EDNRB: variants seen among roughly 807,000 people sequenced by gnomAD.
The protein encoded by EDNRB is endothelin receptor type B.
Under a neutral mutation model 46.4 loss-of-function variants are expected in EDNRB, and 18 were observed. The observed-to-expected ratio is 0.39, with a 90% CI of 0.27 to 0.57. The LOEUF is 0.57. Ranked by LOEUF, EDNRB falls within the 20% of genes least tolerant of loss-of-function variation. EDNRB has a pLI of 0.61. For missense variants in EDNRB, 434 were observed against 537.5 expected, an observed-to-expected ratio of 0.81 and a Z score of 1.90; for synonymous variants, 213 against 204.9, an observed-to-expected ratio of 1.04 and a Z score of -0.34.
chr13:77,952,222 G>A (rs575509379), intron 1 of EDNRB, among the ~76,000 whole-genome samples: 28 of 152,232 alleles, frequency 1.8e-4, no homozygotes, highest in African/African-American at 6.5e-4. Context: ...GTAGGAGAAG[G>A]AATGCATCCA....
intron 1 of EDNRB, among the ~76,000 whole-genome samples, chr13:77,961,655 C>T (rs1321470612): frequency 6.6e-6 from 1 of 152,130 alleles, no homozygotes; most frequent in Non-Finnish European, 1.5e-5. Context: ...ATTTATAGCA[C>T]TAAATGCCCA....
At position 77,896,661 on chromosome 13, in the gene EDNRB, G is replaced by A; in HGVS notation, c.*1539C>T. 1 of 1,470,278 alleles carries A rather than the reference G, an allele frequency of 6.8e-7. No individual in the cohort carries two copies. The highest frequency in any genetic ancestry group is 9.0e-7 in the Non-Finnish European group (1 of 1,116,148). The allele number at this position is 1,470,278 out of a possible 1,614,324, so 91.1% of individuals were successfully genotyped here. On this transcript the variant is annotated 3_prime_UTR_variant, in exon 7 of 7. Coordinates refer to ENST00000646607, the MANE Select transcript of EDNRB (RefSeq NM_001122659.3). ...AAAGTCACTCTGAGAACATTGCACT[G>A]TGTTTTGCTGGAACAAAATCAGGAC...
chr13:77,907,104 C>T (rs1022399797), intron 1 of EDNRB, among the ~76,000 whole-genome samples: 1 of 151,912 alleles, frequency 6.6e-6, no homozygotes, highest in Admixed American at 6.6e-5. Flanking sequence ...TCACCTAGTG[C>T]GATGGTTAAC....
rs77132068 is a variant in EDNRB at position 77,903,179 on chromosome 13, C to A, written c.778G>T (p.Val260Phe). The part of the protein sequence containing the change: ...SYLRICLLHP[V>F]QKTAFMQFYK... ...ACCTGCATGAAAGCTGTCTTCTGAA[C>A]GGGATGAAGCAAGCAGATTCGCAGA... Residue 260 changes from valine to phenylalanine, a missense_variant, in exon 3 of 7, where the codon GTT becomes TTT. Val to Phe is a conservative substitution (Grantham distance 50). Coordinates refer to ENST00000646607, the MANE Select transcript of EDNRB (RefSeq NM_001122659.3). 1.5e-3 allele frequency: 2,452 copies of A among 1,612,630 alleles called. 2 individuals are homozygous for A. Among genetic ancestry groups the A allele is most frequent in the Non-Finnish European group, 1.9e-3 (2,274 of 1,179,198 alleles).
chr13:77,936,227 A>AG, intron 1 of EDNRB, among the ~76,000 whole-genome samples: 1 of 152,212 alleles, frequency 6.6e-6, no homozygotes, highest in South Asian at 2.1e-4. Context: ...CTGGGGGAAA[A>AG]GGCGGCAATG....
At chr13:77,970,493 T>C (rs931697532) in intron 1 of EDNRB, among the ~76,000 whole-genome samples, 4 of 152,142 alleles carry the variant, frequency 2.6e-5, no homozygotes, top group Non-Finnish European at 5.9e-5. Context: ...GTTGAGCATG[T>C]GAATGGGGGT....
intron 1 of EDNRB, among the ~76,000 whole-genome samples, chr13:77,944,112 A>C (rs1245915879): frequency 6.6e-6 from 1 of 152,102 alleles, no homozygotes; most frequent in African/African-American, 2.4e-5. Context: ...AAAATCATTA[A>C]AATCTCAAAC....
chr13:77,897,589 T>C lies in EDNRB; in HGVS notation c.*611A>G, dbSNP rs1411322226. 1.0e-6 allele frequency: 1 copy of C among 985,418 alleles called. No individual in the cohort carries two copies. 61.0% of individuals were successfully genotyped at this position (985,418 alleles called of 1,614,324 possible). On this transcript the variant is annotated 3_prime_UTR_variant, in exon 7 of 7. Transcript: ENST00000646607. ...CTGAGGTTTGGGCTTCTAGTGAAAG[T>C]GTAATGATTTTCAAAAACAGCCTTG... is the stretch of plus-strand genomic sequence containing the variant.
upstream of EDNRB, among the ~76,000 whole-genome samples, chr13:77,922,422 A>T (rs889270930): frequency 1.3e-5 from 2 of 152,198 alleles, no homozygotes; most frequent in African/African-American, 2.4e-5. Context: ...TTTTAGCCAC[A>T]CAAAAAAGTT....
intron 1 of EDNRB, among the ~76,000 whole-genome samples, chr13:77,955,852 T>C (rs1236084389): frequency 1.5e-5 from 2 of 131,892 alleles, no homozygotes; most frequent in East Asian, 5.2e-4. Flanking sequence ...TGTGTATCTA[T>C]CTATCTATCT....
chr13:77,933,752 G>C (rs1417415697), intron 1 of EDNRB, among the ~76,000 whole-genome samples: 1 of 152,112 alleles, frequency 6.6e-6, no homozygotes, highest in Non-Finnish European at 1.5e-5. Flanking sequence ...GGGCTGCTTC[G>C]AGCGGGATTA....
At chr13:77,974,144 A>G (rs1881816192) in intron 1 of EDNRB, among the ~76,000 whole-genome samples, 1 of 152,150 alleles carries the variant, frequency 6.6e-6, no homozygotes, top group African/African-American at 2.4e-5. Flanking sequence ...TGTTTTGTCC[A>G]AATTAACTTA....
At chr13:77,931,451 G>C (rs9574124) in intron 1 of EDNRB, among the ~76,000 whole-genome samples, 84,518 of 151,848 alleles carry the variant, frequency 0.56, 24,288 homozygotes, top group Middle Eastern at 0.67. Flanking sequence ...GTAGCTGATC[G>C]GTGGGGGAAT....
intron 1 of EDNRB, among the ~76,000 whole-genome samples, chr13:77,906,543 G>C (rs1196551490): frequency 6.6e-6 from 1 of 151,954 alleles, no homozygotes; most frequent in Non-Finnish European, 1.5e-5. Flanking sequence ...CACTTATTCT[G>C]GGGGAGGCCA....
intron 1 of EDNRB, among the ~76,000 whole-genome samples, chr13:77,957,270 G>A (rs947892974): frequency 2.0e-5 from 3 of 152,184 alleles, no homozygotes; most frequent in East Asian, 1.9e-4. Flanking sequence ...AAAAGTTAAT[G>A]TATTTTGGAA....
At chr13:77,966,752 G>T (rs943361137) in intron 1 of EDNRB, among the ~76,000 whole-genome samples, 1 of 152,150 alleles carries the variant, frequency 6.6e-6, no homozygotes, top group African/African-American at 2.4e-5. Flanking sequence ...TTTTGCAGAA[G>T]TAAAAATTTT....
intron 1 of EDNRB, among the ~76,000 whole-genome samples, chr13:77,910,571 T>C (rs1432633627): frequency 6.6e-6 from 1 of 152,062 alleles, no homozygotes; most frequent in Non-Finnish European, 1.5e-5. Flanking sequence ...TGACATACAG[T>C]GCACCGTGCC....
chr13:77,910,276 C>T (rs966594936), intron 1 of EDNRB, among the ~76,000 whole-genome samples: 3 of 151,910 alleles, frequency 2.0e-5, no homozygotes, highest in Admixed American at 6.6e-5. Context: ...CTTTAAACGA[C>T]TGGCATTATA....
In EDNRB at chr13:77,970,359, C is replaced by T. The variant is rs140071650; in HGVS notation, c.-52+4988G>A. ...GCCACAGACAAAACTCCTCAGACAC[C>T]GAGTTAAAGAAGGAAGAGGTTTATT... is the stretch of plus-strand genomic sequence containing the variant. On this transcript the variant is annotated intron_variant, in intron 1 of 7. Coordinates refer to the EDNRB transcript ENST00000646948. Among the ~76,000 whole-genome samples, 77 of 152,156 alleles carry T rather than the reference C, an allele frequency of 5.1e-4. 1 individual carries two copies. Among genetic ancestry groups the T allele is most frequent in the East Asian group, 1.9e-4 (1 of 5,170 alleles).
Sources: allele counts gnomAD v4.1 joint callset (sites outside exome capture counted in the v4.1 genomes callset), GRCh38; gene constraint gnomAD v4.1.1; transcripts MANE v1.5; gene names NCBI Gene and HGNC (gene_info 2026-07-23, HGNC 2026-07-21).